Variants in HPGD observed in about 807,000 individuals in gnomAD.
HPGD encodes the protein 15-hydroxyprostaglandin dehydrogenase [NAD(+)].
Under a neutral mutation model 30.0 loss-of-function variants are expected in HPGD, and 29 were observed. The observed-to-expected ratio is 0.97, with a 90% CI of 0.72 to 1.32. The LOEUF is 1.32. Ranked by LOEUF, HPGD falls within the 40% of genes most tolerant of loss-of-function variation. The probability of loss-of-function intolerance (pLI) is 0.00; values close to 1 mark genes in which losing one functional copy is unlikely to be tolerated. For missense variants in HPGD, 340 were observed against 322.1 expected, an observed-to-expected ratio of 1.06 and a Z score of -0.43; for synonymous variants, 99 against 112.4, an observed-to-expected ratio of 0.88 and a Z score of 0.75.
intron 5 of HPGD, among the ~76,000 whole-genome samples, chr4:174,495,085 C>T (rs1734523945): frequency 6.6e-6 from 1 of 152,164 alleles, no homozygotes; most frequent in South Asian, 2.1e-4. Context: ...GTCTGTGCAC[C>T]TTTCACCCTA....
intron 2 of HPGD, among the ~76,000 whole-genome samples, chr4:174,521,390 A>G (rs1204608941): frequency 6.6e-6 from 1 of 152,232 alleles, no homozygotes; most frequent in African/African-American, 2.4e-5. Context: ...CTAACATTGT[A>G]TACTTTATTA....
chr4:174,511,351 G>T (rs1265335573), intron 3 of HPGD, among the ~76,000 whole-genome samples: 3 of 152,074 alleles, frequency 2.0e-5, no homozygotes, highest in Non-Finnish European at 4.4e-5. Context: ...ACTGTTCAAG[G>T]TCATTGCCAA....
intron 1 of HPGD, 103 bp from the exon 2 acceptor site, chr4:174,522,170 AATTAG>A (rs1736172409): frequency 6.4e-7 from 1 of 1,573,342 alleles, no homozygotes; most frequent in African/African-American, 1.3e-5. Context: ...GAAATTTGGC[AATTAG>A]GTTTGGGTTC....
rs1734327172 is a variant in HPGD, at chr4:174,491,205, T to C, written c.*751A>G. ...TGTTGAGCATCTTAAATATAATATT[T>C]TTGGAGTACTAACTATTCTTTATTG... On this transcript the variant is annotated 3_prime_UTR_variant, in exon 7 of 7. Transcript: ENST00000296522. 1 of 152,682 alleles carries C rather than the reference T, an allele frequency of 6.5e-6. No homozygotes were observed. The highest frequency in any genetic ancestry group is 6.5e-5 in the Admixed American group (1 of 15,274). 9.5% of individuals were successfully genotyped at this position (152,682 alleles called of 1,614,324 possible). A position where few individuals can be genotyped will look rare whatever the true frequency, so the allele number is the denominator to read the frequency against.
At chr4:174,509,272 T>C (rs191785088) in intron 3 of HPGD, among the ~76,000 whole-genome samples, 150 of 152,330 alleles carry the variant, frequency 9.8e-4, no homozygotes, top group African/African-American at 3.4e-3. Flanking sequence ...AGGTTTTATT[T>C]TCTCCTTTTT....
At chr4:174,511,124 A>G (rs1466003258) in intron 3 of HPGD, among the ~76,000 whole-genome samples, 1 of 152,000 alleles carries the variant, frequency 6.6e-6, no homozygotes, top group Non-Finnish European at 1.5e-5. Context: ...AACAGTTTAT[A>G]AATTATAGAG....
At chr4:174,495,090 A>G (rs1734524392) in intron 5 of HPGD, among the ~76,000 whole-genome samples, 1 of 152,144 alleles carries the variant, frequency 6.6e-6, no homozygotes, top group Admixed American at 6.5e-5. Context: ...TGCACCTTTC[A>G]CCCTAGGCCT....
intron 3 of HPGD, among the ~76,000 whole-genome samples, chr4:174,509,632 C>T (rs900202041): frequency 5.9e-5 from 9 of 152,136 alleles, no homozygotes; most frequent in African/African-American, 1.9e-4. Context: ...ATGAAACCAA[C>T]ATAAAGAATG....
At chr4:174,520,293 T>C (rs896231890) in intron 2 of HPGD, among the ~76,000 whole-genome samples, 2 of 152,224 alleles carry the variant, frequency 1.3e-5, no homozygotes. Flanking sequence ...ATTTATATGC[T>C]ATGGTACTCT....
At chr4:174,505,893 A>C (rs975509971) in intron 4 of HPGD, among the ~76,000 whole-genome samples, 10 of 152,198 alleles carry the variant, frequency 6.6e-5, no homozygotes, top group African/African-American at 2.4e-4. Flanking sequence ...GTACATGTGG[A>C]GGAAAATCAG....
intron 4 of HPGD, chr4:174,507,248 C>T (rs1735235556): frequency 6.6e-6 from 1 of 151,918 alleles, no homozygotes; most frequent in African/African-American, 2.4e-5. Flanking sequence ...GTAGTTGTAC[C>T]ACTAGGAAAA....
chr4:174,508,343 C>T (rs1054708183), intron 4 of HPGD, among the ~76,000 whole-genome samples: 1 of 152,160 alleles, frequency 6.6e-6, no homozygotes, highest in African/African-American at 2.4e-5. Context: ...GGAGCAGAGA[C>T]ATCTTAACTT....
In HPGD at chr4:174,522,459, C is replaced by T; in HGVS notation, c.-8G>A. 1 of 1,566,348 alleles carries T rather than the reference C, an allele frequency of 6.4e-7. No individual in the cohort carries two copies. The highest frequency in any genetic ancestry group is 8.7e-7 in the Non-Finnish European group (1 of 1,155,150). ...TTTGCCGTTCACGTGCATGGTGCAG[C>T]CACTGCTGGGGCGGGCGGTGGGCGA... On this transcript the variant is annotated 5_prime_UTR_variant, in exon 1 of 7. Coordinates refer to ENST00000296522, the MANE Select transcript of HPGD (RefSeq NM_000860.6).
intron 3 of HPGD, 88 bp downstream of exon 3, chr4:174,517,883 G>A (rs1735870914): frequency 1.4e-6 from 1 of 715,528 alleles, no homozygotes; most frequent in African/African-American, 1.8e-5. Flanking sequence ...TCATTGTTTT[G>A]TTTCCATGAC....
intron 3 of HPGD, among the ~76,000 whole-genome samples, chr4:174,514,833 C>T (rs572083174): frequency 4.6e-4 from 70 of 152,124 alleles, no homozygotes; most frequent in African/African-American, 1.7e-3. Flanking sequence ...GGATACATAA[C>T]CAATGTACAA....
At position 174,494,667 on chromosome 4, in the gene HPGD, C is replaced by T. The variant is rs187974510; in HGVS notation, c.498+881G>A. Among the ~76,000 whole-genome samples, 608 of 152,248 alleles carry T rather than the reference C, an allele frequency of 4.0e-3. 3 individuals carry two copies. The highest frequency in any genetic ancestry group is 6.4e-3 in the Non-Finnish European group (436 of 68,028). ...CTGTCTCCTACTAATTCTTTGATTA[C>T]TAATATTTTTCTCTTCATCTCTCTA... On this transcript the variant is annotated intron_variant, in intron 5 of 6. Transcript: ENST00000296522. This position sits in a 1 kb window ranked among gnomAD's most constrained non-coding sequence, Gnocchi z 4.9.
chr4:174,522,320 G>T (rs777723206), intron 1 of HPGD, 39 bp downstream of exon 1: 1 of 1,522,286 alleles, frequency 6.6e-7, no homozygotes, highest in Non-Finnish European at 8.9e-7. Context: ...CTCGGAGTGT[G>T]TGGGCAGAGA....
intron 3 of HPGD, among the ~76,000 whole-genome samples, chr4:174,517,445 A>T (rs557353972): frequency 2.0e-5 from 3 of 152,328 alleles, no homozygotes; most frequent in Admixed American, 6.5e-5. Context: ...GTAAAGGGCC[A>T]GATTGTAAAT....
At chr4:174,502,543 T>TGGC (rs1258927204) in intron 4 of HPGD, among the ~76,000 whole-genome samples, 1 of 151,932 alleles carries the variant, frequency 6.6e-6, no homozygotes, top group Non-Finnish European at 1.5e-5. Flanking sequence ...CCAGGCGTGG[T>TGGC]GGCGGGCGCC....
Sources: allele counts gnomAD v4.1 joint callset (sites outside exome capture counted in the v4.1 genomes callset), GRCh38; gene constraint gnomAD v4.1.1; non-coding constraint Gnocchi (gnomAD v3.1); transcripts MANE v1.5; gene names NCBI Gene and HGNC (gene_info 2026-07-23, HGNC 2026-07-21).